The following FLNB variants were observed in gnomAD, a reference collection of about 807,000 sequenced individuals.
The protein encoded by FLNB is filamin-B.
FLNB carries 111 observed loss-of-function variants against 250.6 expected under a neutral mutation model. The ratio of observed to expected loss-of-function variants is 0.44; its 90% CI spans 0.38 to 0.52. The LOEUF (loss-of-function observed/expected upper bound fraction) is 0.52, where lower values mean the gene tolerates loss of function less well. FLNB is among the 20% of genes least tolerant of loss of function. The pLI, the probability that FLNB is intolerant of heterozygous loss-of-function variation, is 0.00. For synonymous variants in FLNB, 1,302 were observed against 1,372.1 expected (o/e 0.95, Z 1.13); for missense variants, 2,869 against 3,447.8 (o/e 0.83, Z 4.20).
intron 1 of FLNB, among the ~76,000 whole-genome samples, chr3:58,013,546 C>T (rs966256918): frequency 1.3e-5 from 2 of 152,132 alleles, no homozygotes; most frequent in African/African-American, 2.4e-5. Context: ...CAAAGTTGGC[C>T]GGACGTGGTG....
At position 58,098,908 on chromosome 3, in the gene FLNB, G is replaced by A; in HGVS notation, c.1345G>A (p.Ala449Thr). Residue 449 changes from alanine to threonine, a missense_variant and splice_region_variant, in exon 8 of 46, where the codon GCC (alanine) becomes ACC (threonine). This residue lies in a region of FLNB where 1,348 missense variants were observed against 1,466.7 expected (regional missense o/e 0.92). Transcript: ENST00000295956. ...KSPFVVQVGE[A>T]CNPNACRASG... ...TCCCTTCGTTGTGCAGGTTGGGGAA[G>A]GTGAGTGCTGGGCTGCTGGCCACAT... 6.2e-7 allele frequency: 1 copy of A among 1,613,486 alleles called. No individual in the cohort carries two copies. The highest frequency in any genetic ancestry group is 8.5e-7 in the Non-Finnish European group (1 of 1,179,694).
At chr3:58,161,216 T>C (rs75933426) in intron 42 of FLNB, among the ~76,000 whole-genome samples, 2,578 of 152,218 alleles carry the variant, frequency 0.017, 68 homozygotes, top group African/African-American at 0.059. Context: ...CTATGGTGGC[T>C]ATAGAGAGTG....
At chr3:58,014,437 C>G (rs1400376476) in intron 1 of FLNB, among the ~76,000 whole-genome samples, 1 of 152,256 alleles carries the variant, frequency 6.6e-6, no homozygotes, top group Non-Finnish European at 1.5e-5. Flanking sequence ...CAAATCACTT[C>G]CAGATGGTGG....
At chr3:58,068,553 C>A (rs541490682) in intron 1 of FLNB, among the ~76,000 whole-genome samples, 1 of 152,310 alleles carries the variant, frequency 6.6e-6, no homozygotes, top group East Asian at 1.9e-4. Flanking sequence ...GAGCTGTCAG[C>A]TGTCCCCGCT....
chr3:58,022,795 A>C (rs1253673410), intron 1 of FLNB, among the ~76,000 whole-genome samples: 1 of 151,262 alleles, frequency 6.6e-6, no homozygotes, highest in African/African-American at 2.4e-5. Flanking sequence ...GAAAGCCATC[A>C]GCTCAGCAAG....
intron 20 of FLNB, among the ~76,000 whole-genome samples, chr3:58,122,878 C>T (rs2097291434): frequency 6.6e-6 from 1 of 152,168 alleles, no homozygotes; most frequent in South Asian, 2.1e-4. Flanking sequence ...TCACACCTCT[C>T]TCCTGTGGGT....
At chr3:58,154,311 G>C (rs1575466993) in intron 39 of FLNB, among the ~76,000 whole-genome samples, 1 of 152,186 alleles carries the variant, frequency 6.6e-6, no homozygotes, top group East Asian at 1.9e-4. Context: ...GCAAGGCCGA[G>C]GCAGGCAGAC....
intron 1 of FLNB, among the ~76,000 whole-genome samples, chr3:58,014,811 C>T (rs562054717): frequency 6.6e-5 from 10 of 152,272 alleles, no homozygotes; most frequent in African/African-American, 2.2e-4. Context: ...TCACTGCAAC[C>T]TCTGTCTCCC....
intron 5 of FLNB, 148 bp downstream of exon 5, chr3:58,095,102 A>G: frequency 2.8e-6 from 2 of 712,264 alleles, no homozygotes; most frequent in South Asian, 3.1e-5. Flanking sequence ...TATAGCTGTT[A>G]AAGTAACCTG....
chr3:58,068,154 G>A (rs1475460683), intron 1 of FLNB, among the ~76,000 whole-genome samples: 1 of 152,230 alleles, frequency 6.6e-6, no homozygotes, highest in Non-Finnish European at 1.5e-5. Flanking sequence ...TTGAAAGACA[G>A]GCACAGCACT....
chr3:58,109,398 C>T, intron 14 of FLNB, 76 bp downstream of exon 14: 1 of 1,582,880 alleles, frequency 6.3e-7, no homozygotes, highest in East Asian at 2.3e-5. Context: ...CCATGCCTGA[C>T]AGCCAAGGCA....
chr3:58,028,270 T>C (rs1292620779), intron 1 of FLNB, among the ~76,000 whole-genome samples: 1 of 152,152 alleles, frequency 6.6e-6, no homozygotes, highest in East Asian at 1.9e-4. Context: ...GGGGAGGTGG[T>C]CATAGAATAT....
rs150844992 is a variant in FLNB, at chr3:58,130,880, G to A, written c.4362G>A (p.Pro1454=). 4.2e-4 allele frequency: 681 copies of A among 1,612,426 alleles called. 7 individuals are homozygous for A. The African/African-American group carries it at 7.8e-3, about 18-fold the overall frequency. The change falls in exon 25 of 46, where the codon CCG becomes CCA. Residue 1454 remains proline, a synonymous_variant. Transcript: ENST00000295956. ...ACAGCAGCAAGGCTGGCCTGGCTCC[G>A]CTGGAAGTGAGGGTTCTGGGCCCAC... ...TVDSSKAGLA[P]LEVRVLGPRG... is the part of the protein sequence containing the mutation.
rs1333444126 is a variant in FLNB, at chr3:58,024,725, TTTTA to T, written c.292+15870_292+15873del. Among the ~76,000 whole-genome samples the T allele has an allele frequency of 6.1e-4, 63 of 102,608 alleles. 5 individuals carry two copies. Among genetic ancestry groups the T allele is most frequent in the South Asian group, 1.8e-3 (6 of 3,246 alleles). The allele number at this position is 102,608 out of a possible 152,430, so 67.3% of individuals were successfully genotyped here. On this transcript the variant is annotated intron_variant, in intron 1 of 45. Coordinates refer to ENST00000295956, the MANE Select transcript of FLNB (RefSeq NM_001457.4). ...CCTTTTTTTTTTTTTTTTTTTTTTT[TTTTA>T]ACCTTGAGACAGTCTTGCTTTGTTG...
In FLNB at chr3:58,108,079, G is replaced by A. The variant is rs545838507; in HGVS notation, c.1942-379G>A. ...CACTGGAAGGAGAAGAATTGTCTTG[G>A]GCCACACATAAAATACTAATGATAG... On this transcript the variant is annotated intron_variant, in intron 12 of 45. Coordinates refer to ENST00000295956, the MANE Select transcript of FLNB (RefSeq NM_001457.4). 6.1e-3 allele frequency among the ~76,000 whole-genome samples: 928 copies of A among 151,988 alleles called. 41 individuals carry two copies. The East Asian group carries it at 0.14, about 23-fold the overall frequency.
In FLNB at chr3:58,165,841, C is replaced by T. The variant is rs529269895; in HGVS notation, c.7198+2511C>T. ...GAAGAACAAGCAGTGCTGCGTTTAA[C>T]ATGCATTAAACTCACAGGAACTGAG... On this transcript the variant is annotated intron_variant, in intron 43 of 45. Coordinates refer to ENST00000295956, the MANE Select transcript of FLNB (RefSeq NM_001457.4). 8 of 152,178 alleles carry T rather than the reference C, an allele frequency of 5.3e-5. No homozygotes were observed. In the East Asian group the frequency reaches 1.5e-3, roughly 29 times the overall value. The allele number at this position is 152,178 out of a possible 1,614,324, so 9.4% of individuals were successfully genotyped here.
rs114342439 is a variant in FLNB, at chr3:58,124,533, C to G, written c.3898+28C>G. 0.075 allele frequency: 120,295 copies of G among 1,612,044 alleles called. 5,155 individuals carry two copies. The highest frequency in any genetic ancestry group is 0.1 in the Middle Eastern group (603 of 5,950). On this transcript the variant is annotated intron_variant, in intron 22 of 45. Coordinates refer to ENST00000295956, the MANE Select transcript of FLNB (RefSeq NM_001457.4). ...GAGCCGCCCTGTCCTCGGACTGGACCCTCGTTCAGAGCTGCCCTTGGTCAT... is the reference window on the plus strand; with the variant it reads ...GAGCCGCCCTGTCCTCGGACTGGACGCTCGTTCAGAGCTGCCCTTGGTCAT...
rs539933303 is a variant in FLNB, at chr3:58,063,374, G to T, written c.293-13672G>T. On this transcript the variant is annotated intron_variant, in intron 1 of 45. Transcript: ENST00000295956. ...CCTGGGCTGAGAGAGTTTGCAGAGA[G>T]CTCTGTTGGGATTGGGTGGGACGTG... is the stretch of plus-strand genomic sequence containing the variant. 1.1e-4 allele frequency among the ~76,000 whole-genome samples: 16 copies of T among 152,324 alleles called. No individual in the cohort carries two copies. The East Asian group carries it at 3.1e-3, about 29-fold the overall frequency.
intron 1 of FLNB, among the ~76,000 whole-genome samples, chr3:58,039,615 G>A (rs73092339): frequency 2.6e-5 from 4 of 152,292 alleles, no homozygotes; most frequent in Non-Finnish European, 5.9e-5. Context: ...ACAATGACTA[G>A]AAGGAACAGA....
Sources: allele counts gnomAD v4.1 joint callset (sites outside exome capture counted in the v4.1 genomes callset), GRCh38; gene constraint gnomAD v4.1.1; regional missense constraint gnomAD v4.1.1; transcripts MANE v1.5; gene names NCBI Gene and HGNC (gene_info 2026-07-23, HGNC 2026-07-21).